COL2A1: variants seen among roughly 807,000 people sequenced by gnomAD.
The protein encoded by COL2A1 is collagen alpha-1(II) chain.
Under a neutral mutation model 204.5 loss-of-function variants are expected in COL2A1, and 28 were observed. The ratio of observed to expected loss-of-function variants is 0.14; its 90% CI spans 0.10 to 0.19. The LOEUF is 0.19. Among genes scored for constraint, COL2A1 ranks in the 10% least tolerant of loss-of-function variants. The probability of loss-of-function intolerance (pLI) is 1.00; values close to 1 mark genes in which losing one functional copy is unlikely to be tolerated. For synonymous variants in COL2A1, 708 were observed against 718.7 expected, an observed-to-expected ratio of 0.99 and a Z score of 0.24; for missense variants, 1,388 against 2,027.5, an observed-to-expected ratio of 0.68 and a Z score of 6.06.
At position 47,978,444 on chromosome 12, in the gene COL2A1, T is replaced by C; in HGVS notation, c.2896-46A>G. The stretch of plus-strand genomic sequence containing the variant: ...GATGAGAACTGACAGTGGCCCAGCC[T>C]CTTCTGTCCTCTCAGCACAGCTCTG... On this transcript the variant is annotated intron_variant, in intron 42 of 53. Transcript: ENST00000380518. This position sits in a 1 kb window ranked among gnomAD's most constrained non-coding sequence, Gnocchi z 5.5. 6.3e-7 allele frequency: 1 copy of C among 1,595,792 alleles called. No homozygotes were observed. Among genetic ancestry groups the C allele is most frequent in the Non-Finnish European group, 8.6e-7 (1 of 1,168,046 alleles).
At chr12:47,975,777 GC>G (rs1232210030) in intron 50 of COL2A1, among the ~76,000 whole-genome samples, 172 bp from the exon 51 acceptor site, 1 of 152,240 alleles carries the variant, frequency 6.6e-6, no homozygotes, top group East Asian at 1.9e-4. Context: ...TTCTTCCTTA[GC>G]CCTTCTCTTC....
intron 14 of COL2A1, 71 bp from the exon 15 acceptor site, chr12:47,993,573 C>A: frequency 7.3e-7 from 1 of 1,376,072 alleles, no homozygotes; most frequent in Non-Finnish European, 1.0e-6. Context: ...CTAGGGAAGA[C>A]GCCAAAAGCC....
At chr12:48,002,740 C>G (rs1052797965) in intron 1 of COL2A1, 3 of 152,254 alleles carry the variant, frequency 2.0e-5, no homozygotes, top group Admixed American at 2.0e-4. Flanking sequence ...AAAATATAGT[C>G]AGTCTGAGTC....
intron 50 of COL2A1, 45 bp from the exon 51 acceptor site, chr12:47,975,650 C>T: frequency 1.9e-6 from 3 of 1,582,058 alleles, no homozygotes; most frequent in Admixed American, 1.7e-5. Context: ...TGTGAAAGTG[C>T]CCCTCCATGT....
chr12:47,980,413 C>T lies in COL2A1; in HGVS notation c.2625+141G>A. On this transcript the variant is annotated intron_variant, in intron 39 of 53. Coordinates refer to ENST00000380518, the MANE Select transcript of COL2A1 (RefSeq NM_001844.5). This position sits in a 1 kb window ranked among gnomAD's most constrained non-coding sequence, Gnocchi z 4.5. The stretch of plus-strand genomic sequence containing the variant: ...ACACCCCACCCACACAGCCCACATG[C>T]CACATGGAAGCTCCTTCTACCAACA... The T allele has an allele frequency of 1.2e-6, 1 of 813,812 alleles. No homozygotes were observed. Among genetic ancestry groups the T allele is most frequent in the East Asian group, 2.7e-5 (1 of 37,684 alleles). The allele number at this position is 813,812 out of a possible 1,614,324, so 50.4% of individuals were successfully genotyped here.
chr12:47,983,417 G>A lies in COL2A1; in HGVS notation c.2017C>T (p.Pro673Ser). 3 of 1,614,068 alleles carry A rather than the reference G, an allele frequency of 1.9e-6. No individual in the cohort carries two copies. Among genetic ancestry groups the A allele is most frequent in the Middle Eastern group, 1.6e-4 (1 of 6,062 alleles). Residue 673 changes from proline (P) to serine (S), a missense_variant, in exon 31 of 54, where the codon CCC becomes TCC. Pro to Ser is a moderately conservative substitution (Grantham distance 74, BLOSUM62 -1). This residue lies in a region of COL2A1 where 884 missense variants were observed against 1,415.8 expected (regional missense o/e 0.62). Transcript: ENST00000380518. ...GFQGLPGPPG[P>S]PGEGGKPGDQ... ...CCTGGTTTTCCACCTTCACCTGGGG[G>A]ACCAGGAGGGCCAGGAAGTCCCTAG... is the stretch of plus-strand genomic sequence containing the variant.
In COL2A1 at chr12:47,996,644, A is replaced by T; in HGVS notation, c.532-19T>A. Reference sequence around the variant, plus strand: ...CAAAGTTCTGCAAAGAAACCCAACAACGTTAGGAGGTTGAAAGGCACTAGG... The same window carrying T: ...CAAAGTTCTGCAAAGAAACCCAACATCGTTAGGAGGTTGAAAGGCACTAGG... On this transcript the variant is annotated intron_variant, in intron 7 of 53. Transcript: ENST00000380518. The T allele has an allele frequency of 6.2e-7, 1 of 1,611,988 alleles. No homozygotes were observed. The highest frequency in any genetic ancestry group is 1.3e-5 in the African/African-American group (1 of 74,988).
chr12:47,979,496 A>G lies in COL2A1; in HGVS notation c.2733+15T>C, dbSNP rs1938916798. 6.2e-7 allele frequency: 1 copy of G among 1,613,108 alleles called. No homozygotes were observed. The highest frequency in any genetic ancestry group is 8.5e-7 in the Non-Finnish European group (1 of 1,179,616). ...CATGCCTGCCTGTGCCTCTCATGCC[A>G]GGAGCATCACTTACATTGGAGCCTG... On this transcript the variant is annotated intron_variant, in intron 41 of 53. Coordinates refer to ENST00000380518, the MANE Select transcript of COL2A1 (RefSeq NM_001844.5).
In COL2A1 at chr12:47,986,823, G is replaced by T; in HGVS notation, c.1419+12C>A. The stretch of plus-strand genomic sequence containing the variant: ...CAGCAGAGAAGACAAGGGCTTGGGG[G>T]CAGATACTCACAGGTTCTCCCTTGG... On this transcript the variant is annotated intron_variant, in intron 22 of 53. Coordinates refer to ENST00000380518, the MANE Select transcript of COL2A1 (RefSeq NM_001844.5). 1 of 1,614,102 alleles carries T rather than the reference G, an allele frequency of 6.2e-7. No individual in the cohort carries two copies. The highest frequency in any genetic ancestry group is 8.5e-7 in the Non-Finnish European group (1 of 1,179,948).
chr12:48,005,059 C>G (rs1205761111), upstream of COL2A1, among the ~76,000 whole-genome samples: 2 of 152,114 alleles, frequency 1.3e-5, no homozygotes, highest in Non-Finnish European at 2.9e-5. Flanking sequence ...TTTAGCCCTT[C>G]CCTGCAGTAC....
At chr12:47,983,211 G>A (rs1939195080) in intron 31 of COL2A1, 74 bp from the exon 32 acceptor site, 16 of 1,548,160 alleles carry the variant, frequency 1.0e-5, no homozygotes, top group Non-Finnish European at 1.3e-5. Context: ...CCACAGCAGG[G>A]CTGAATATCA....
intron 2 of COL2A1, 49 bp from the exon 3 acceptor site, chr12:47,998,480 G>GA (rs1331863236): frequency 1.9e-6 from 3 of 1,591,764 alleles, no homozygotes; most frequent in East Asian, 4.5e-5. Flanking sequence ...TCTTGAGATG[G>GA]AAAAATACCT....
chr12:47,987,546 C>T lies in COL2A1; in HGVS notation c.1221+65G>A. The T allele has an allele frequency of 7.1e-7, 1 of 1,403,766 alleles. No homozygotes were observed. Among genetic ancestry groups the T allele is most frequent in the South Asian group, 1.2e-5 (1 of 82,820 alleles). 87.0% of individuals were successfully genotyped at this position (1,403,766 alleles called of 1,614,324 possible). ...AGCCCACAACTGTCAGAGCAAAGTA[C>T]AGAGTCAAGAGTTCCAAAGCCACAG... On this transcript the variant is annotated intron_variant, in intron 19 of 53. Transcript: ENST00000380518. The surrounding 1 kb of genome is among the most constrained non-coding windows in gnomAD (Gnocchi z 4.1).
At chr12:48,003,442 C>T (rs760916256) in intron 1 of COL2A1, among the ~76,000 whole-genome samples, 3 of 151,990 alleles carry the variant, frequency 2.0e-5, no homozygotes, top group Non-Finnish European at 4.4e-5. Flanking sequence ...GGGAAGGGGG[C>T]GCTATTTTCG....
chr12:47,981,691 A>G, intron 36 of COL2A1, 85 bp downstream of exon 36: 1 of 1,413,914 alleles, frequency 7.1e-7, no homozygotes, highest in Non-Finnish European at 9.8e-7. Context: ...GTGAGGGAGG[A>G]CAAGACAGAA....
Position 47,978,179 on chromosome 12 carries a change from T to C in COL2A1, c.3004-62A>G. 1 of 1,581,752 alleles carries C rather than the reference T, an allele frequency of 6.3e-7. No individual in the cohort carries two copies. The highest frequency in any genetic ancestry group is 8.6e-7 in the Non-Finnish European group (1 of 1,157,212). ...GTAAGCACCCCTGCCCAGGGCCCAC[T>C]GACCCTTCAGGGAGAGGGCAGACAA... On this transcript the variant is annotated intron_variant, in intron 43 of 53. Coordinates refer to ENST00000380518, the MANE Select transcript of COL2A1 (RefSeq NM_001844.5). This position sits in a 1 kb window ranked among gnomAD's most constrained non-coding sequence, Gnocchi z 5.5.
At chr12:47,982,798 G>A in intron 33 of COL2A1, 50 bp downstream of exon 33, 1 of 1,508,368 alleles carries the variant, frequency 6.6e-7, no homozygotes, top group East Asian at 2.3e-5. Flanking sequence ...CCTGCTCAGT[G>A]GGACTCCCAG....
At position 47,974,819 on chromosome 12, in the gene COL2A1, G is replaced by A. The variant is rs749021683; in HGVS notation, c.3930C>T (p.Ala1310=). 3.7e-6 allele frequency: 6 copies of A among 1,614,204 alleles called. No individual in the cohort carries two copies. The South Asian group carries it at 6.6e-5, about 18-fold the overall frequency. ...TCTCCATGTTGCAGAAAACCTTCATGGCGTCCAAGGTGCAGCCTTGGTTGG... is the reference window on the plus strand; with the variant it reads ...TCTCCATGTTGCAGAAAACCTTCATAGCGTCCAAGGTGCAGCCTTGGTTGG... ...IDPNQGCTLD[A]MKVFCNMETG... The change falls in exon 52 of 54, where the codon GCC becomes GCT. Residue 1310 remains alanine (A), a synonymous_variant. Coordinates refer to ENST00000380518, the MANE Select transcript of COL2A1 (RefSeq NM_001844.5).
rs143846882 is a variant in COL2A1, at chr12:47,990,797, A to G, written c.1024-992T>C. 9.5e-3 allele frequency among the ~76,000 whole-genome samples: 1,453 copies of G among 152,258 alleles called. 32 individuals carry two copies. Among genetic ancestry groups the G allele is most frequent in the African/African-American group, 0.033 (1,388 of 41,530 alleles). On this transcript the variant is annotated intron_variant, in intron 16 of 53. Coordinates refer to ENST00000380518, the MANE Select transcript of COL2A1 (RefSeq NM_001844.5). Reference sequence around the variant, plus strand: ...GCCAAGTTTGTGGTGGCACCCCTCAAATGCTCTCTCAAGGTTCCTTAAGGC... The same window carrying G: ...GCCAAGTTTGTGGTGGCACCCCTCAGATGCTCTCTCAAGGTTCCTTAAGGC...
Sources: gnomAD v4.1 joint callset for allele counts (sites outside exome capture counted in the v4.1 genomes callset) on GRCh38, gnomAD v4.1.1 for gene constraint, gnomAD v4.1.1 regional missense constraint, Gnocchi (gnomAD v3.1) non-coding constraint, MANE v1.5 for transcripts, NCBI Gene and HGNC (gene_info 2026-07-23, HGNC 2026-07-21) for gene names.